Variants in RABGEF1 observed in about 807,000 individuals in gnomAD.
RABGEF1 encodes rab5 GDP/GTP exchange factor.
In RABGEF1, 26 loss-of-function variants were observed where a neutral mutation model predicts 57.3. The ratio of observed to expected loss-of-function variants is 0.45; its 90% CI spans 0.33 to 0.63. The LOEUF (loss-of-function observed/expected upper bound fraction) is 0.63, where lower values mean the gene tolerates loss of function less well. Ranked by LOEUF, RABGEF1 falls within the 20% of genes least tolerant of loss-of-function variation. The pLI, the probability that RABGEF1 is intolerant of heterozygous loss-of-function variation, is 0.02. For synonymous variants in RABGEF1, 185 were observed against 210.7 expected, an observed-to-expected ratio of 0.88 and a Z score of 1.06; for missense variants, 464 against 607.6, an observed-to-expected ratio of 0.76 and a Z score of 2.48.
At chr7:66,724,050 A>G (rs576035013) in intron 2 of RABGEF1, among the ~76,000 whole-genome samples, 22 of 152,116 alleles carry the variant, frequency 1.4e-4, no homozygotes, top group Middle Eastern at 6.8e-3. Flanking sequence ...CTGTTGGGCA[A>G]TAAATTTTCT....
rs1000211645 is a variant in RABGEF1, at chr7:66,810,849, T to TGG, written c.*1567_*1568dup. 1 of 152,092 alleles carries TGG rather than the reference T, an allele frequency of 6.6e-6. No individual in the cohort carries two copies. The highest frequency in any genetic ancestry group is 2.4e-5 in the African/African-American group (1 of 41,420). The allele number at this position is 152,092 out of a possible 1,614,324, so 9.4% of individuals were successfully genotyped here. A position where few individuals can be genotyped will look rare whatever the true frequency, so the allele number is the denominator to read the frequency against. On this transcript the variant is annotated 3_prime_UTR_variant, in exon 9 of 9. Transcript: ENST00000284957. ...CAGTAACTTTGGAATAAAACCAGGG[T>TGG]GGGTATAAAACTTCTTATTCTTAAA...
intron 1 of RABGEF1, among the ~76,000 whole-genome samples, chr7:66,696,498 T>C (rs1584726365): frequency 6.6e-6 from 1 of 152,130 alleles, no homozygotes; most frequent in East Asian, 1.9e-4. Context: ...GAGACCAGCC[T>C]GGCCAACATG....
intron 1 of RABGEF1, among the ~76,000 whole-genome samples, chr7:66,698,096 C>G (rs1428446838): frequency 1.3e-5 from 2 of 151,666 alleles, no homozygotes; most frequent in Non-Finnish European, 2.9e-5. Flanking sequence ...CCATCACAGC[C>G]ACGCACCCCC....
rs556951871 is a variant in RABGEF1, at chr7:66,766,329, G to T, written c.-17-5554G>T. ...CAAAAAAAAAAAAAAAGGAAGCTTA[G>T]TGCTTAGTGATGTCTCTGCCACTTA... is the stretch of plus-strand genomic sequence containing the variant. On this transcript the variant is annotated intron_variant, in intron 1 of 8. Transcript: ENST00000284957. 2.4e-3 allele frequency among the ~76,000 whole-genome samples: 364 copies of T among 150,416 alleles called. 2 individuals carry two copies. The highest frequency in any genetic ancestry group is 8.5e-3 in the Admixed American group (128 of 15,094).
At chr7:66,663,424 C>T in the RABGEF1 span, among the ~76,000 whole-genome samples, 2 of 152,046 alleles carry the variant, frequency 1.3e-5, no homozygotes, top group Admixed American at 1.3e-4. Context: ...CTGAAAATAC[C>T]ATAATTGGCT....
In RABGEF1 at chr7:66,724,151, C is replaced by T. The variant is rs573220002; in HGVS notation, c.-815+11927C>T. Among the ~76,000 whole-genome samples the T allele has an allele frequency of 2.5e-4, 38 of 151,822 alleles. No individual in the cohort carries two copies. The East Asian group carries it at 7.4e-3, about 29-fold the overall frequency. On this transcript the variant is annotated intron_variant and NMD_transcript_variant, in intron 2 of 9. Transcript: ENST00000607882. ...AAGAATTATAGGTTAACAGCTTTTT[C>T]CCCCCAGCACTCTAAAGATGTCATG... is the stretch of plus-strand genomic sequence containing the variant.
At chr7:66,781,505 C>T (rs906269610) in intron 3 of RABGEF1, among the ~76,000 whole-genome samples, 1 of 152,098 alleles carries the variant, frequency 6.6e-6, no homozygotes, top group Non-Finnish European at 1.5e-5. Context: ...ATTAGGTTAT[C>T]CCTCCCCTTG....
intron 4 of RABGEF1, among the ~76,000 whole-genome samples, chr7:66,793,899 A>T (rs1170027809): frequency 6.6e-6 from 1 of 152,148 alleles, no homozygotes; most frequent in African/African-American, 2.4e-5. Flanking sequence ...GCCTGTGTAG[A>T]TGAAGTCTGT....
intron 1 of RABGEF1, among the ~76,000 whole-genome samples, chr7:66,693,196 C>T (rs1791800164): frequency 6.6e-6 from 1 of 152,164 alleles, no homozygotes; most frequent in African/African-American, 2.4e-5. Flanking sequence ...TCACCCTTCA[C>T]CCTCACATTC....
At chr7:66,738,143 C>T (rs1798264953), upstream of RABGEF1, among the ~76,000 whole-genome samples, 1 of 151,800 alleles carries the variant, frequency 6.6e-6, no homozygotes, top group South Asian at 2.1e-4. Context: ...ACCTCGGCCT[C>T]CAGAGTAGCT....
intron 1 of RABGEF1, among the ~76,000 whole-genome samples, chr7:66,708,842 G>A (rs1794443868): frequency 6.6e-6 from 1 of 151,742 alleles, no homozygotes; most frequent in South Asian, 2.1e-4. Context: ...AGAAAAATAG[G>A]TTTTGTTTTG....
upstream of RABGEF1, among the ~76,000 whole-genome samples, chr7:66,679,075 T>C (rs573687343): frequency 1.2e-4 from 19 of 152,330 alleles, no homozygotes; most frequent in African/African-American, 3.4e-4. Flanking sequence ...CCCTCCCATA[T>C]TGACGTTGGT....
chr7:66,741,251 C>T (rs1265642891), intron 1 of RABGEF1, among the ~76,000 whole-genome samples: 1 of 152,224 alleles, frequency 6.6e-6, no homozygotes, highest in Admixed American at 6.5e-5. Flanking sequence ...AGACCACAGC[C>T]CCCGGCCGCG....
At position 66,805,461 on chromosome 7, in the gene RABGEF1, C is replaced by G. The variant is rs1226506801; in HGVS notation, c.1077+65C>G. ...GAAGGTGGTGGTTTTGGGGATGTGA[C>G]AGGTCACTTAGGCCCGTGACAGGTG... On this transcript the variant is annotated intron_variant, in intron 8 of 8. Coordinates refer to ENST00000284957, the MANE Select transcript of RABGEF1 (RefSeq NM_014504.3). 6 of 1,593,548 alleles carry G rather than the reference C, an allele frequency of 3.8e-6. No homozygotes were observed. The African/African-American group carries it at 6.7e-5, about 18-fold the overall frequency.
chr7:66,761,747 C>T (rs1804420319), intron 1 of RABGEF1, among the ~76,000 whole-genome samples: 1 of 152,054 alleles, frequency 6.6e-6, no homozygotes, highest in African/African-American at 2.4e-5. Context: ...CCTAACACAC[C>T]CAGCCTTTTA....
At chr7:66,753,237 T>G (rs1456297823) in intron 1 of RABGEF1, among the ~76,000 whole-genome samples, 1 of 152,170 alleles carries the variant, frequency 6.6e-6, no homozygotes, top group Non-Finnish European at 1.5e-5. Flanking sequence ...CCACAGGTGG[T>G]CACTTTTGAG....
chr7:66,760,707 G>T (rs1180698143), intron 1 of RABGEF1, among the ~76,000 whole-genome samples: 1 of 152,278 alleles, frequency 6.6e-6, no homozygotes, highest in African/African-American at 2.4e-5. Context: ...CTCCCAAAGT[G>T]CTGGGATTAC....
At chr7:66,680,388 G>C (rs1341515638), upstream of RABGEF1, among the ~76,000 whole-genome samples, 1 of 152,006 alleles carries the variant, frequency 6.6e-6, no homozygotes, top group East Asian at 1.9e-4. Context: ...GGGATTACAG[G>C]CATGTGCCAC....
Position 66,799,318 on chromosome 7 carries a change from T to G in RABGEF1, c.729-5T>G, listed in dbSNP as rs1263214902. The G allele has an allele frequency of 1.9e-6, 3 of 1,593,046 alleles. No homozygotes were observed. Among genetic ancestry groups the G allele is most frequent in the Admixed American group, 3.3e-5 (2 of 59,948 alleles). Reference sequence around the variant, plus strand: ...AGCTCTTGTTTACTGTCTCTCTCTCTTTAGAGCCCTGCGCTGGGTTACGCC... The same window carrying G: ...AGCTCTTGTTTACTGTCTCTCTCTCGTTAGAGCCCTGCGCTGGGTTACGCC... On this transcript the variant is annotated splice_region_variant and splice_polypyrimidine_tract_variant and intron_variant, in intron 6 of 8. Coordinates refer to ENST00000284957, the MANE Select transcript of RABGEF1 (RefSeq NM_014504.3).
Sources: gnomAD v4.1 joint callset for allele counts (sites outside exome capture counted in the v4.1 genomes callset) on GRCh38, gnomAD v4.1.1 for gene constraint, MANE v1.5 for transcripts, NCBI Gene and HGNC (gene_info 2026-07-23, HGNC 2026-07-21) for gene names.